The following WDR19 variants were observed in gnomAD, a reference collection of about 807,000 sequenced individuals.
WDR19 encodes the protein WD repeat domain 19, also known as WD repeat-containing protein 19.
In WDR19, 121 loss-of-function variants were observed where a neutral mutation model predicts 180.0. The ratio of observed to expected loss-of-function variants is 0.67; its 90% CI spans 0.58 to 0.78. The LOEUF is 0.78. WDR19 is among the 30% of genes least tolerant of loss of function. The pLI is 0.00. For missense variants in WDR19, 1,450 were observed against 1,640.7 expected (o/e 0.88, Z 2.01); for synonymous variants, 497 against 540.7 (o/e 0.92, Z 1.12).
At chr4:39,193,620 A>G (rs1726406064) in intron 4 of WDR19, among the ~76,000 whole-genome samples, 1 of 152,200 alleles carries the variant, frequency 6.6e-6, no homozygotes, top group African/African-American at 2.4e-5. Context: ...TTTAATCCTC[A>G]AATTCTCCTA....
intron 31 of WDR19, among the ~76,000 whole-genome samples, chr4:39,271,632 T>C (rs111747972): frequency 9.2e-5 from 14 of 152,356 alleles, no homozygotes; most frequent in African/African-American, 3.4e-4. Context: ...TTTATATATA[T>C]ACATATCTCT....
Position 39,285,783 on chromosome 4 carries a change from A to AAACT in WDR19, c.*311_*314dup, listed in dbSNP as rs1443719171. On this transcript the variant is annotated 3_prime_UTR_variant, in exon 37 of 37. Coordinates refer to ENST00000399820, the MANE Select transcript of WDR19 (RefSeq NM_025132.4). ...TTTTTGCTAACTTTTGTATTTTGAA[A>AAACT]AACTTTAAAATAAAATTGTTGACTA... The AAACT allele has an allele frequency of 6.6e-6, 1 of 152,238 alleles. No homozygotes were observed. The highest frequency in any genetic ancestry group is 1.5e-5 in the Non-Finnish European group (1 of 68,042). The allele number at this position is 152,238 out of a possible 1,614,324, so 9.4% of individuals were successfully genotyped here. A position where few individuals can be genotyped will look rare whatever the true frequency, so the allele number is the denominator to read the frequency against.
rs35185201 is a variant in WDR19 at position 39,185,027 on chromosome 4, A to C, written c.7-699A>C. Among the ~76,000 whole-genome samples the C allele has an allele frequency of 2.6e-5, 4 of 152,300 alleles. No homozygotes were observed. The South Asian group carries it at 8.3e-4, about 32-fold the overall frequency. On this transcript the variant is annotated intron_variant, in intron 1 of 36. Coordinates refer to ENST00000399820, the MANE Select transcript of WDR19 (RefSeq NM_025132.4). ...AATCAATATAAAAATTAACAACGAGATAGTTTACATTCTTTTTCCAGTTGT... is the reference window on the plus strand; with the variant it reads ...AATCAATATAAAAATTAACAACGAGCTAGTTTACATTCTTTTTCCAGTTGT...
At chr4:39,281,263 A>AGAGAGAGAGAG (rs57108177) in intron 36 of WDR19, among the ~76,000 whole-genome samples, 20 of 147,158 alleles carry the variant, frequency 1.4e-4, no homozygotes, top group South Asian at 4.3e-4. Flanking sequence ...AGAGAGAGAG[A>AGAGAGAGAGAG]AAGCCTACTA....
rs563095953 is a variant in WDR19 at position 39,274,625 on chromosome 4, A to G, written c.3566-183A>G. On this transcript the variant is annotated intron_variant, in intron 32 of 36. Transcript: ENST00000399820. ...ATCAAAGGAAAAGCACTTGATGGGC[A>G]GTTAGCCTGACCCCACAGCTACGTA... 18 of 634,100 alleles carry G rather than the reference A, an allele frequency of 2.8e-5. No homozygotes were observed. The East Asian group carries it at 5.0e-4, about 18-fold the overall frequency. 39.3% of individuals were successfully genotyped at this position (634,100 alleles called of 1,614,324 possible). A position where few individuals can be genotyped will look rare whatever the true frequency, so the allele number is the denominator to read the frequency against.
Position 39,224,889 on chromosome 4 carries a change from T to C in WDR19, c.1485T>C (p.Gly495=). Residue 495 remains glycine, a synonymous_variant, in exon 15 of 37, where the codon GGT becomes GGC. Transcript: ENST00000399820. ...GGATTTTTTTTTTTTTTTAGACTGGTGTCGTTCAGTATTTCTACATTGAAG... is the reference window on the plus strand; with the variant it reads ...GGATTTTTTTTTTTTTTTAGACTGGCGTCGTTCAGTATTTCTACATTGAAG... ...SDFLIYGTDT[G]VVQYFYIEDW... The C allele has an allele frequency of 6.7e-7, 1 of 1,501,032 alleles. No homozygotes were observed. Among genetic ancestry groups the C allele is most frequent in the Non-Finnish European group, 8.9e-7 (1 of 1,124,178 alleles). The allele number at this position is 1,501,032 out of a possible 1,614,324, so 93.0% of individuals were successfully genotyped here. A position where few individuals can be genotyped will look rare whatever the true frequency, so the allele number is the denominator to read the frequency against.
chr4:39,246,848 C>A (rs1026043651), intron 24 of WDR19, among the ~76,000 whole-genome samples: 2 of 152,232 alleles, frequency 1.3e-5, no homozygotes, highest in Non-Finnish European at 1.5e-5. Flanking sequence ...GTAAACAAAG[C>A]GGCCAGGAAG....
intron 28 of WDR19, among the ~76,000 whole-genome samples, chr4:39,263,502 C>G (rs1275169736): frequency 6.6e-6 from 1 of 152,180 alleles, no homozygotes; most frequent in Non-Finnish European, 1.5e-5. Flanking sequence ...TCCATCCGCA[C>G]CCTGCCGTGA....
chr4:39,214,412 A>G (rs1404525800), intron 9 of WDR19, among the ~76,000 whole-genome samples, 189 bp from the exon 10 acceptor site: 1 of 151,984 alleles, frequency 6.6e-6, no homozygotes, highest in Non-Finnish European at 1.5e-5. Context: ...ACAACAACAA[A>G]CCCAAAAGTT....
intron 36 of WDR19, among the ~76,000 whole-genome samples, chr4:39,285,001 A>C (rs376814646): frequency 3.9e-5 from 6 of 152,066 alleles, no homozygotes; most frequent in Admixed American, 3.9e-4. Context: ...GGAGACTATA[A>C]TCATGCCTAT....
Position 39,199,584 on chromosome 4 carries a change from G to A in WDR19, c.513G>A (p.Thr171=), listed in dbSNP as rs754543019. The A allele has an allele frequency of 1.9e-6, 3 of 1,611,180 alleles. No individual in the cohort carries two copies. The highest frequency in any genetic ancestry group is 1.1e-5 in the South Asian group (1 of 90,966). Residue 171 remains threonine (T), a synonymous_variant, in exon 6 of 37, where the codon ACG becomes ACA. Coordinates refer to ENST00000399820, the MANE Select transcript of WDR19 (RefSeq NM_025132.4). ...CAGTTAGTAATCAGGAAGGTGACAC[G>A]ATAAGACAGGTAATACAGTAACGTC... is the stretch of plus-strand genomic sequence containing the variant. ...MITVSNQEGD[T]IRQTQVRSEP... is the part of the protein sequence containing the mutation.
At position 39,285,687 on chromosome 4, in the gene WDR19, A is replaced by AAAG. The variant is rs1357816216; in HGVS notation, c.*215_*217dup. 1.3e-5 allele frequency: 2 copies of AAAG among 152,204 alleles called. No individual in the cohort carries two copies. The highest frequency in any genetic ancestry group is 1.9e-4 in the East Asian group (1 of 5,196). 9.4% of individuals were successfully genotyped at this position (152,204 alleles called of 1,614,324 possible). A position where few individuals can be genotyped will look rare whatever the true frequency, so the allele number is the denominator to read the frequency against. On this transcript the variant is annotated 3_prime_UTR_variant, in exon 37 of 37. Coordinates refer to ENST00000399820, the MANE Select transcript of WDR19 (RefSeq NM_025132.4). ...GTACTTTGTATATTATTTCCTCTTCAAAGTCTTTCTTACACACTCTATCCT... is the reference window on the plus strand; with the variant it reads ...GTACTTTGTATATTATTTCCTCTTCAAAGAAGTCTTTCTTACACACTCTATCCT...
At chr4:39,276,919 G>A (rs1735957367) in intron 33 of WDR19, 101 bp from the exon 34 acceptor site, 3 of 1,415,706 alleles carry the variant, frequency 2.1e-6, no homozygotes, top group African/African-American at 2.8e-5. Flanking sequence ...CTATGAAGTA[G>A]GTGTGTCATA....
At chr4:39,278,301 G>C (rs1372189254) in intron 35 of WDR19, 94 bp downstream of exon 35, 1 of 1,239,120 alleles carries the variant, frequency 8.1e-7, no homozygotes, top group African/African-American at 1.5e-5. Flanking sequence ...TTCTATTTGT[G>C]TTCCTAAGGA....
At chr4:39,194,441 G>A (rs1194318053) in intron 4 of WDR19, 103 bp from the exon 5 acceptor site, 3 of 641,740 alleles carry the variant, frequency 4.7e-6, no homozygotes, top group Admixed American at 3.2e-5. Context: ...TTGTACTTTG[G>A]CTTCTAAGTA....
At chr4:39,250,968 A>G (rs1479049579) in intron 24 of WDR19, among the ~76,000 whole-genome samples, 3 of 152,200 alleles carry the variant, frequency 2.0e-5, no homozygotes, top group African/African-American at 4.8e-5. Context: ...CATCCCCATC[A>G]AGCTACCAAT....
chr4:39,215,205 A>T (rs1313390308), intron 10 of WDR19, among the ~76,000 whole-genome samples: 1 of 152,126 alleles, frequency 6.6e-6, no homozygotes, highest in East Asian at 1.9e-4. Flanking sequence ...ATTTTATCCT[A>T]ATTCTAATGT....
rs1553919999 is a variant in WDR19 at position 39,281,236 on chromosome 4, T to TAGAGAGAGAGAG, written c.*13+2589_*13+2600dup. On this transcript the variant is annotated intron_variant, in intron 36 of 36. Coordinates refer to ENST00000399820, the MANE Select transcript of WDR19 (RefSeq NM_025132.4). ...GTGTGTATATATATATATATATATA[T>TAGAGAGAGAGAG]AGAGAGAGAGAGAGAGAGAGAGAGA... Among the ~76,000 whole-genome samples, 806 of 103,930 alleles carry TAGAGAGAGAGAG rather than the reference T, an allele frequency of 7.8e-3. 21 individuals carry two copies. The highest frequency in any genetic ancestry group is 0.031 in the African/African-American group (607 of 19,288). 68.2% of individuals were successfully genotyped at this position (103,930 alleles called of 152,430 possible). A position where few individuals can be genotyped will look rare whatever the true frequency, so the allele number is the denominator to read the frequency against.
At chr4:39,271,652 C>G (rs1378828387) in intron 31 of WDR19, among the ~76,000 whole-genome samples, 2 of 152,216 alleles carry the variant, frequency 1.3e-5, no homozygotes, top group African/African-American at 4.8e-5. Flanking sequence ...TGTAAAGATA[C>G]AGGCAGACTC....
Sources: allele counts gnomAD v4.1 joint callset (sites outside exome capture counted in the v4.1 genomes callset), GRCh38; gene constraint gnomAD v4.1.1; transcripts MANE v1.5; gene names NCBI Gene and HGNC (gene_info 2026-07-23, HGNC 2026-07-21).